The following CRPPA variants were observed in gnomAD, a reference collection of about 807,000 sequenced individuals.
CRPPA encodes CDP-L-ribitol pyrophosphorylase A, also known as D-ribitol-5-phosphate cytidylyltransferase.
CRPPA carries 43 observed loss-of-function variants against 52.0 expected under a neutral mutation model. The observed-to-expected ratio is 0.83, with a 90% CI of 0.65 to 1.07. CRPPA has a LOEUF of 1.07. Among genes scored for constraint, CRPPA ranks in the 50% least tolerant of loss-of-function variants. The pLI is 0.00. For synonymous variants in CRPPA, 250 were observed against 203.5 expected (o/e 1.23, Z -1.94); for missense variants, 629 against 551.7 (o/e 1.14, Z -1.40).
rs1248202455 is a variant in CRPPA, at chr7:16,089,375, T to TAC, written c.*2319_*2320insGT. On this transcript the variant is annotated 3_prime_UTR_variant, in exon 10 of 10. Transcript: ENST00000407010. ...ATATACATACATACATGCATGTACA[T>TAC]ATATACGTATATATGTATGTACATA... 78 of 387,350 alleles carry TAC rather than the reference T, an allele frequency of 2.0e-4. 6 individuals are homozygous for TAC. Among genetic ancestry groups the TAC allele is most frequent in the East Asian group, 1.6e-3 (21 of 12,958 alleles). 24.0% of individuals were successfully genotyped at this position (387,350 alleles called of 1,614,324 possible).
At chr7:16,101,252 G>T (rs901812610) in intron 9 of CRPPA, among the ~76,000 whole-genome samples, 2 of 152,094 alleles carry the variant, frequency 1.3e-5, no homozygotes, top group Non-Finnish European at 2.9e-5. Flanking sequence ...TTGTACCTCT[G>T]GTAGAATTCG....
At chr7:16,376,936 CAGA>C (rs1562663375) in intron 2 of CRPPA, among the ~76,000 whole-genome samples, 1 of 152,046 alleles carries the variant, frequency 6.6e-6, no homozygotes, top group South Asian at 2.1e-4. Flanking sequence ...AGGCCATTAC[CAGA>C]AGAACTGCCT....
intron 3 of CRPPA, among the ~76,000 whole-genome samples, chr7:16,328,468 A>T (rs955091164): frequency 3.7e-5 from 5 of 136,490 alleles, no homozygotes; most frequent in Non-Finnish European, 8.2e-5. Flanking sequence ...TGCTTTCTTT[A>T]AAAGAACCAC....
intron 3 of CRPPA, among the ~76,000 whole-genome samples, chr7:16,331,955 T>C (rs1352221839): frequency 6.6e-6 from 1 of 152,192 alleles, no homozygotes; most frequent in Non-Finnish European, 1.5e-5. Context: ...TCCAAATTAA[T>C]GTAAGATAGC....
intron 9 of CRPPA, among the ~76,000 whole-genome samples, chr7:16,137,773 C>T (rs1782789311): frequency 6.6e-6 from 1 of 152,038 alleles, no homozygotes; most frequent in African/African-American, 2.4e-5. Context: ...CTACAGAAAA[C>T]TATCTTGGGA....
intron 2 of CRPPA, among the ~76,000 whole-genome samples, chr7:16,397,220 T>C (rs1787613927): frequency 6.6e-6 from 1 of 152,162 alleles, no homozygotes; most frequent in Non-Finnish European, 1.5e-5. Context: ...CTGACACGTA[T>C]GTGATACGAA....
At chr7:16,236,985 T>A (rs186532024) in intron 8 of CRPPA, among the ~76,000 whole-genome samples, 109 of 151,912 alleles carry the variant, frequency 7.2e-4, no homozygotes, top group African/African-American at 2.4e-3. Context: ...CTTTTGAATA[T>A]GAATAAAATC....
At chr7:16,169,572 G>T (rs1203121132) in intron 9 of CRPPA, among the ~76,000 whole-genome samples, 1 of 152,212 alleles carries the variant, frequency 6.6e-6, no homozygotes, top group Non-Finnish European at 1.5e-5. Context: ...GCTTAAGCAT[G>T]AAATTGTAAG....
chr7:16,117,167 G>A (rs977194794), intron 9 of CRPPA, among the ~76,000 whole-genome samples: 1 of 152,182 alleles, frequency 6.6e-6, no homozygotes, highest in Non-Finnish European at 1.5e-5. Context: ...TAAGAAACAT[G>A]CTTTCAGTAT....
intron 9 of CRPPA, among the ~76,000 whole-genome samples, chr7:16,123,103 T>C (rs1284001306): frequency 1.3e-5 from 2 of 152,086 alleles, no homozygotes; most frequent in African/African-American, 4.8e-5. Flanking sequence ...TTTTAATATC[T>C]TATAGTTTGG....
chr7:16,249,547 T>C (rs372569628), intron 8 of CRPPA, among the ~76,000 whole-genome samples: 24 of 152,296 alleles, frequency 1.6e-4, no homozygotes, highest in African/African-American at 5.3e-4. Context: ...ACAGCAATAG[T>C]TGCTGTTCTG....
At chr7:16,285,148 A>G (rs1784396613) in intron 5 of CRPPA, among the ~76,000 whole-genome samples, 3 of 152,152 alleles carry the variant, frequency 2.0e-5, no homozygotes, top group Non-Finnish European at 2.9e-5. Flanking sequence ...AGAATTCTTA[A>G]TCTTCTGTTT....
intron 9 of CRPPA, among the ~76,000 whole-genome samples, chr7:16,214,495 A>C (rs540493862): frequency 6.6e-6 from 1 of 152,220 alleles, no homozygotes; most frequent in Admixed American, 6.5e-5. Flanking sequence ...TCTGAGTACA[A>C]ACAAAAAAGA....
intron 2 of CRPPA, among the ~76,000 whole-genome samples, chr7:16,396,723 G>A (rs2128315897): frequency 6.6e-6 from 1 of 152,348 alleles, no homozygotes; most frequent in Non-Finnish European, 1.5e-5. Flanking sequence ...ATGTATGTGT[G>A]ATGGAATACA....
chr7:16,286,020 CA>C (rs1166330678), intron 5 of CRPPA, among the ~76,000 whole-genome samples: 222 of 7,222 alleles, frequency 0.031, 1 homozygote, highest in South Asian at 0.1. Flanking sequence ...AACTCCATCT[CA>C]AAAAAAAAAA....
At chr7:16,239,627 G>A (rs1190435569) in intron 8 of CRPPA, among the ~76,000 whole-genome samples, 3 of 135,828 alleles carry the variant, frequency 2.2e-5, no homozygotes, top group African/African-American at 5.4e-5. Context: ...AAAACTGAAT[G>A]ACCACATAAA....
chr7:16,193,435 G>A (rs1244647073), intron 9 of CRPPA, among the ~76,000 whole-genome samples: 4 of 151,938 alleles, frequency 2.6e-5, no homozygotes, highest in African/African-American at 4.8e-5. Context: ...CTAAACACTT[G>A]TGAAATTAAC....
chr7:16,174,553 C>A (rs904294039), intron 9 of CRPPA, among the ~76,000 whole-genome samples: 10 of 152,094 alleles, frequency 6.6e-5, no homozygotes, highest in African/African-American at 2.4e-4. Flanking sequence ...TTAATAGTCG[C>A]TGGTCTTTTA....
intron 9 of CRPPA, among the ~76,000 whole-genome samples, chr7:16,128,693 G>A (rs1782626417): frequency 6.6e-6 from 1 of 152,078 alleles, no homozygotes; most frequent in African/African-American, 2.4e-5. Context: ...CCAAGTTGTT[G>A]GCCAGATGGA....
Sources: allele counts gnomAD v4.1 joint callset (sites outside exome capture counted in the v4.1 genomes callset), GRCh38; gene constraint gnomAD v4.1.1; transcripts MANE v1.5; gene names NCBI Gene and HGNC (gene_info 2026-07-23, HGNC 2026-07-21).